The following FRYL variants were observed in gnomAD, a reference collection of about 807,000 sequenced individuals.
FRYL encodes protein furry homolog-like.
Under a neutral mutation model 351.2 loss-of-function variants are expected in FRYL, and 150 were observed. That is an observed-to-expected ratio of 0.43 (90% CI 0.37 to 0.49). The LOEUF is 0.49. FRYL is among the 20% of genes least tolerant of loss of function. The pLI, the probability that FRYL is intolerant of heterozygous loss-of-function variation, is 0.00. For missense variants in FRYL, 3,036 were observed against 3,619.3 expected, an observed-to-expected ratio of 0.84 and a Z score of 4.13; for synonymous variants, 1,153 against 1,257.1, an observed-to-expected ratio of 0.92 and a Z score of 1.75.
chr4:48,691,113 C>G (rs1384931449), intron 2 of FRYL, among the ~76,000 whole-genome samples: 1 of 152,158 alleles, frequency 6.6e-6, no homozygotes, highest in Non-Finnish European at 1.5e-5. Flanking sequence ...AGCCCCAAAA[C>G]AACTTTTCTA....
intron 35 of FRYL, 71 bp from the exon 36 acceptor site, chr4:48,553,454 C>T (rs1733342083): frequency 9.1e-7 from 1 of 1,093,058 alleles, no homozygotes; most frequent in Non-Finnish European, 1.4e-6. Flanking sequence ...CTGAGACAAA[C>T]TTTATCAGAG....
chr4:48,642,853 C>G (rs1755605150), intron 3 of FRYL, among the ~76,000 whole-genome samples: 1 of 151,982 alleles, frequency 6.6e-6, no homozygotes, highest in African/African-American at 2.4e-5. Context: ...GTGCATGGAC[C>G]TGGGAGCCAG....
chr4:48,674,624 C>G (rs1162240147), intron 3 of FRYL, among the ~76,000 whole-genome samples: 1 of 145,830 alleles, frequency 6.9e-6, no homozygotes, highest in Non-Finnish European at 1.5e-5. Context: ...GTAGTCCCAG[C>G]TACTCGGGAG....
At chr4:48,514,586 T>C (rs186224359) in intron 56 of FRYL, among the ~76,000 whole-genome samples, 70 of 152,366 alleles carry the variant, frequency 4.6e-4, no homozygotes, top group Non-Finnish European at 8.2e-4. Context: ...GCTTCGCCTA[T>C]TATAGAAATA....
At chr4:48,680,265 CAT>C (rs1258211420) in intron 3 of FRYL, among the ~76,000 whole-genome samples, 1 of 151,810 alleles carries the variant, frequency 6.6e-6, no homozygotes. Flanking sequence ...AAAAAAAAAT[CAT>C]AGAGAATATT....
At chr4:48,645,336 G>C (rs184183926) in intron 3 of FRYL, among the ~76,000 whole-genome samples, 3 of 151,594 alleles carry the variant, frequency 2.0e-5, no homozygotes, top group Non-Finnish European at 2.9e-5. Context: ...AAATTTCTTC[G>C]ATCTTCAGGC....
At chr4:48,749,386 G>A (rs906094349) in intron 1 of FRYL, among the ~76,000 whole-genome samples, 77 of 152,326 alleles carry the variant, frequency 5.1e-4, no homozygotes, top group African/African-American at 1.7e-3. Context: ...TGTCAGCTAT[G>A]TTACTAGGCA....
rs575220576 is a variant in FRYL, at chr4:48,645,647, G to A, written c.-80-11157C>T. Among the ~76,000 whole-genome samples the A allele has an allele frequency of 2.4e-4, 36 of 152,232 alleles. 1 individual carries two copies. Among genetic ancestry groups the A allele is most frequent in the African/African-American group, 8.7e-4 (36 of 41,524 alleles). On this transcript the variant is annotated intron_variant, in intron 3 of 63. Coordinates refer to ENST00000358350, the MANE Select transcript of FRYL (RefSeq NM_015030.2). The stretch of plus-strand genomic sequence containing the variant: ...TCAGAATCAAAATCTTTGGAATGGG[G>A]CCCAGGTATGTGTATGTTTTTGAAA...
chr4:48,510,970 C>G lies in FRYL; in HGVS notation c.8160G>C (p.Lys2720Asn). The change falls in exon 58 of 64, where the codon AAG (lysine) becomes AAC (asparagine). Residue 2720 changes from lysine to asparagine, a missense_variant. Coordinates refer to ENST00000358350, the MANE Select transcript of FRYL (RefSeq NM_015030.2). ...CTGCCTCATTAGTTATTTCTCCAAA[C>G]TTTCTTTGAATTGTCTATGGAGAAA... Reference protein sequence around the residue: ...FSRLFQTIQRKFGEITNEAVS... With the variant: ...FSRLFQTIQRNFGEITNEAVS... 1.2e-6 allele frequency: 2 copies of G among 1,611,538 alleles called. No individual in the cohort carries two copies. Among genetic ancestry groups the G allele is most frequent in the Non-Finnish European group, 1.7e-6 (2 of 1,178,914 alleles).
intron 3 of FRYL, among the ~76,000 whole-genome samples, chr4:48,668,287 G>A (rs1762079671): frequency 6.6e-6 from 1 of 151,330 alleles, no homozygotes; most frequent in Non-Finnish European, 1.5e-5. Flanking sequence ...AATTTGAGGT[G>A]GTTTTTTTGT....
At chr4:48,503,482 G>A (rs184064772) in intron 60 of FRYL, among the ~76,000 whole-genome samples, 20 of 152,220 alleles carry the variant, frequency 1.3e-4, no homozygotes, top group Non-Finnish European at 2.5e-4. Context: ...AACTTAACCC[G>A]ACTAGGTTTG....
At chr4:48,598,753 T>C (rs971252749) in intron 13 of FRYL, 12 of 602,358 alleles carry the variant, frequency 2.0e-5, no homozygotes, top group Non-Finnish European at 2.5e-5. Flanking sequence ...AATGCAACAA[T>C]GGGAAAAGGA....
At chr4:48,544,961 T>C (rs1285149300) in intron 42 of FRYL, 57 bp from the exon 43 acceptor site, 2 of 1,543,110 alleles carry the variant, frequency 1.3e-6, no homozygotes, top group East Asian at 4.6e-5. Flanking sequence ...TTAACAGTTG[T>C]ACTCACACTT....
intron 53 of FRYL, among the ~76,000 whole-genome samples, chr4:48,525,986 T>C (rs944244325): frequency 6.6e-6 from 1 of 151,990 alleles, no homozygotes; most frequent in Non-Finnish European, 1.5e-5. Context: ...ATGAGTTGTA[T>C]ATGTGTATGT....
Position 48,774,260 on chromosome 4 carries a change from G to A in FRYL, c.-384+5818C>T, listed in dbSNP as rs1177486538. On this transcript the variant is annotated intron_variant, in intron 1 of 63. Transcript: ENST00000358350. ...TTAATAGGTAAATTATATGGCATACGAATTATATTTCAAAAAAGCTGTCAC... is the reference window on the plus strand; with the variant it reads ...TTAATAGGTAAATTATATGGCATACAAATTATATTTCAAAAAAGCTGTCAC... Among the ~76,000 whole-genome samples, 4 of 152,156 alleles carry A rather than the reference G, an allele frequency of 2.6e-5. No homozygotes were observed. In the East Asian group the frequency reaches 5.8e-4, roughly 22 times the overall value.
intron 1 of FRYL, among the ~76,000 whole-genome samples, chr4:48,714,660 C>A (rs1451992218): frequency 8.7e-5 from 13 of 150,066 alleles, no homozygotes; most frequent in African/African-American, 3.2e-4. Context: ...AGTCCAGGAC[C>A]AGATGGATTC....
chr4:48,629,189 A>G (rs1048140473), intron 4 of FRYL, among the ~76,000 whole-genome samples: 51 of 152,216 alleles, frequency 3.4e-4, no homozygotes, highest in African/African-American at 1.1e-3. Context: ...AGCTTCAGAG[A>G]AAGCAAGAGA....
chr4:48,697,458 A>T (rs1002745429), intron 2 of FRYL, among the ~76,000 whole-genome samples: 1 of 152,118 alleles, frequency 6.6e-6, no homozygotes, highest in African/African-American at 2.4e-5. Flanking sequence ...GGATTTCTCA[A>T]TGTTGATTAT....
intron 42 of FRYL, 65 bp from the exon 43 acceptor site, chr4:48,544,969 C>G: frequency 6.6e-7 from 1 of 1,518,042 alleles, no homozygotes; most frequent in South Asian, 1.3e-5. Flanking sequence ...TGTACTCACA[C>G]TTGCCTAAAT....
Sources: gnomAD v4.1 joint callset for allele counts (sites outside exome capture counted in the v4.1 genomes callset) on GRCh38, gnomAD v4.1.1 for gene constraint, MANE v1.5 for transcripts, NCBI Gene and HGNC (gene_info 2026-07-23, HGNC 2026-07-21) for gene names.